APBB2: variants seen among roughly 807,000 people sequenced by gnomAD.
The protein encoded by APBB2 is Fe65-like 1.
APBB2 carries 38 observed loss-of-function variants against 82.5 expected under a neutral mutation model. That is an observed-to-expected ratio of 0.46 (90% CI 0.36 to 0.60). The LOEUF is 0.60. APBB2 is among the 20% of genes least tolerant of loss of function. The pLI is 0.00. For synonymous variants in APBB2, 341 were observed against 368.2 expected, an observed-to-expected ratio of 0.93 and a Z score of 0.85; for missense variants, 772 against 972.3, an observed-to-expected ratio of 0.79 and a Z score of 2.74.
chr4:41,104,581 C>T (rs568649378), intron 2 of APBB2, among the ~76,000 whole-genome samples: 12 of 151,970 alleles, frequency 7.9e-5, no homozygotes, highest in South Asian at 2.1e-4. Context: ...TTATTTTGTA[C>T]GCAGGTAATG....
At chr4:41,164,910 T>G (rs984041596) in intron 1 of APBB2, among the ~76,000 whole-genome samples, 2 of 152,230 alleles carry the variant, frequency 1.3e-5, no homozygotes, top group African/African-American at 4.8e-5. Flanking sequence ...CATATTAAAA[T>G]TAACATAGAG....
intron 1 of APBB2, among the ~76,000 whole-genome samples, chr4:41,162,225 T>C (rs1322207967): frequency 6.6e-6 from 1 of 150,656 alleles, no homozygotes; most frequent in African/African-American, 2.5e-5. Flanking sequence ...TTACAATTTG[T>C]CGAATCACAA....
chr4:40,850,258 G>A (rs1328179210), intron 12 of APBB2, among the ~76,000 whole-genome samples: 1 of 152,104 alleles, frequency 6.6e-6, no homozygotes, highest in East Asian at 1.9e-4. Flanking sequence ...CTACAGGTGG[G>A]GACCACTGTG....
intron 3 of APBB2, among the ~76,000 whole-genome samples, chr4:41,070,436 A>G (rs911906612): frequency 2.6e-5 from 4 of 151,922 alleles, no homozygotes; most frequent in Non-Finnish European, 5.9e-5. Context: ...CAGACACGCA[A>G]GTAGCTGGGA....
intron 2 of APBB2, among the ~76,000 whole-genome samples, chr4:41,132,041 A>AAAATAAAT (rs139179556): frequency 0.22 from 32,793 of 147,586 alleles, 4,015 homozygotes; most frequent in African/African-American, 0.33. Context: ...CTCTGTCTCA[A>AAAATAAAT]AAATAAATAA....
chr4:40,911,629 G>A (rs1213333067), intron 10 of APBB2, among the ~76,000 whole-genome samples: 3 of 152,120 alleles, frequency 2.0e-5, no homozygotes, highest in Non-Finnish European at 4.4e-5. Context: ...TATCAGGAGC[G>A]CCATCATAAG....
chr4:41,211,209 C>T (rs1371800768), intron 1 of APBB2, among the ~76,000 whole-genome samples: 2 of 151,762 alleles, frequency 1.3e-5, no homozygotes, highest in South Asian at 2.1e-4. Context: ...GAGCCAAGAT[C>T]GCGCCACTAC....
intron 2 of APBB2, among the ~76,000 whole-genome samples, chr4:41,130,599 AG>A (rs1755690644): frequency 2.0e-5 from 3 of 152,160 alleles, no homozygotes; most frequent in Admixed American, 1.3e-4. Flanking sequence ...AGGGCCCCAG[AG>A]GGTGGCCCCC....
At chr4:41,000,908 C>T (rs1176636392) in intron 6 of APBB2, among the ~76,000 whole-genome samples, 7 of 151,942 alleles carry the variant, frequency 4.6e-5, no homozygotes, top group Non-Finnish European at 5.9e-5. Context: ...AACTAAAAGA[C>T]GAAAGCCACT....
chr4:40,888,835 C>T (rs968943319), intron 12 of APBB2, among the ~76,000 whole-genome samples: 1 of 152,258 alleles, frequency 6.6e-6, no homozygotes, highest in African/African-American at 2.4e-5. Flanking sequence ...GCTCCTGCGT[C>T]GCACACGTAT....
chr4:41,211,976 T>C (rs1779435261), intron 1 of APBB2, among the ~76,000 whole-genome samples: 1 of 152,204 alleles, frequency 6.6e-6, no homozygotes, highest in African/African-American at 2.4e-5. Flanking sequence ...CCAGTATCTA[T>C]TAGCTATTCT....
At chr4:40,866,782 A>C (rs57978762) in intron 12 of APBB2, among the ~76,000 whole-genome samples, 3,215 of 152,068 alleles carry the variant, frequency 0.021, 49 homozygotes, top group Middle Eastern at 0.044. Context: ...CAGTGGTACG[A>C]TCTCTACTCA....
intron 1 of APBB2, among the ~76,000 whole-genome samples, chr4:41,182,188 C>T (rs1439983064): frequency 1.3e-5 from 2 of 152,148 alleles, no homozygotes; most frequent in Non-Finnish European, 1.5e-5. Context: ...TCTATATTTA[C>T]AGTCTCCATT....
intron 7 of APBB2, among the ~76,000 whole-genome samples, chr4:40,939,378 C>T (rs1018311637): frequency 6.6e-6 from 1 of 152,086 alleles, no homozygotes; most frequent in Non-Finnish European, 1.5e-5. Context: ...GACTGGCTGC[C>T]CGAGGGTGCC....
At chr4:41,139,274 A>G (rs984396982) in intron 2 of APBB2, among the ~76,000 whole-genome samples, 1 of 152,168 alleles carries the variant, frequency 6.6e-6, no homozygotes, top group Non-Finnish European at 1.5e-5. Flanking sequence ...GACCATATCA[A>G]TAGTTGCAAA....
rs141704440 is a variant in APBB2, at chr4:40,905,392, G to A, written c.1255-11981C>T. Among the ~76,000 whole-genome samples the A allele has an allele frequency of 6.6e-5, 10 of 152,344 alleles. No homozygotes were observed. In the East Asian group the frequency reaches 1.5e-3, roughly 24 times the overall value. On this transcript the variant is annotated intron_variant, in intron 10 of 17. Coordinates refer to ENST00000508593, the MANE Select transcript of APBB2 (RefSeq NM_004307.2). ...ACACAAGGAAGGAGAAAGAGGCAAC[G>A]CAGTTGAGCAGCGGCCTCACAATCC...
At chr4:40,947,997 T>C (rs929830988) in intron 6 of APBB2, among the ~76,000 whole-genome samples, 10 of 152,224 alleles carry the variant, frequency 6.6e-5, no homozygotes, top group African/African-American at 2.2e-4. Context: ...AAATCAGTTC[T>C]ATGCGATTTC....
At chr4:40,860,043 AT>A (rs1363745795) in intron 12 of APBB2, among the ~76,000 whole-genome samples, 2 of 152,188 alleles carry the variant, frequency 1.3e-5, no homozygotes, top group African/African-American at 4.8e-5. Context: ...TTGGTGTTAA[AT>A]ATTTGGAAAA....
At chr4:41,003,535 T>C (rs998458456) in intron 6 of APBB2, among the ~76,000 whole-genome samples, 1 of 152,064 alleles carries the variant, frequency 6.6e-6, no homozygotes, top group African/African-American at 2.4e-5. Context: ...CATACTAGGT[T>C]AGGGTAGGTC....
Sources: allele counts gnomAD v4.1 joint callset (sites outside exome capture counted in the v4.1 genomes callset), GRCh38; gene constraint gnomAD v4.1.1; transcripts MANE v1.5; gene names NCBI Gene and HGNC (gene_info 2026-07-23, HGNC 2026-07-21).